PDZD2: variants seen among roughly 807,000 people sequenced by gnomAD.
PDZD2 encodes PDZ domain-containing protein 2.
PDZD2 carries 90 observed loss-of-function variants against 220.7 expected under a neutral mutation model. The observed-to-expected ratio is 0.41, with a 90% CI of 0.34 to 0.49. The LOEUF is 0.49. Ranked by LOEUF, PDZD2 falls within the 20% of genes least tolerant of loss-of-function variation. The pLI is 0.28. For missense variants in PDZD2, 3,174 were observed against 3,608.5 expected, an observed-to-expected ratio of 0.88 and a Z score of 3.08; for synonymous variants, 1,375 against 1,450.5, an observed-to-expected ratio of 0.95 and a Z score of 1.18.
chr5:31,857,919 C>T (rs1277035365), intron 2 of PDZD2, among the ~76,000 whole-genome samples: 6 of 152,126 alleles, frequency 3.9e-5, no homozygotes, highest in African/African-American at 1.2e-4. Context: ...CCCTGTCTCC[C>T]GGGTTCAAGT....
Position 31,846,617 on chromosome 5 carries a change from C to T in PDZD2, c.476+46893C>T, listed in dbSNP as rs1757600840. On this transcript the variant is annotated intron_variant, in intron 2 of 24. Transcript: ENST00000438447. ...GAACACCAATAAGTCACCACCCCGT[C>T]TGTGTGTCAGCTGAAAGTTGATTGG... Among the ~76,000 whole-genome samples, 3 of 152,234 alleles carry T rather than the reference C, an allele frequency of 2.0e-5. No individual in the cohort carries two copies. The South Asian group carries it at 6.2e-4, about 31-fold the overall frequency.
At chr5:31,689,353 ATTT>A (rs1160111594) in intron 1 of PDZD2, among the ~76,000 whole-genome samples, 2 of 35,120 alleles carry the variant, frequency 5.7e-5, no homozygotes, top group African/African-American at 2.1e-4. Context: ...ATATATATAT[ATTT>A]TTTTTTTTTT....
chr5:32,103,241 AAAAC>A (rs202176156), intron 24 of PDZD2, among the ~76,000 whole-genome samples: 2,172 of 152,228 alleles, frequency 0.014, 19 homozygotes, highest in Middle Eastern at 0.027. Context: ...GTATTTATTT[AAAAC>A]AAACAAACAA....
At chr5:31,712,650 G>A (rs144133698) in intron 1 of PDZD2, among the ~76,000 whole-genome samples, 2 of 152,196 alleles carry the variant, frequency 1.3e-5, no homozygotes, top group Non-Finnish European at 1.5e-5. Flanking sequence ...CACATGGCAC[G>A]GTGCATTTTT....
chr5:31,947,551 T>C (rs1046085603), intron 2 of PDZD2, among the ~76,000 whole-genome samples: 5 of 152,198 alleles, frequency 3.3e-5, no homozygotes, highest in African/African-American at 1.2e-4. Flanking sequence ...AAATGAAACA[T>C]AAGCCAGGTG....
chr5:31,822,255 CT>C (rs1248207982), intron 2 of PDZD2, among the ~76,000 whole-genome samples: 6 of 137,314 alleles, frequency 4.4e-5, no homozygotes, highest in Admixed American at 7.2e-5. Context: ...CATACACAAA[CT>C]TTTTTTCACG....
At chr5:31,997,931 C>T (rs1751772486) in intron 4 of PDZD2, among the ~76,000 whole-genome samples, 1 of 152,190 alleles carries the variant, frequency 6.6e-6, no homozygotes, top group Non-Finnish European at 1.5e-5. Flanking sequence ...CAACCTCCGC[C>T]TCCCAGGTTC....
At chr5:31,858,955 G>A (rs1758694648) in intron 2 of PDZD2, among the ~76,000 whole-genome samples, 1 of 152,042 alleles carries the variant, frequency 6.6e-6, no homozygotes, top group Non-Finnish European at 1.5e-5. Context: ...CTGACCTGAA[G>A]TGATCCGCCT....
chr5:31,697,040 A>G (rs2150131480), intron 1 of PDZD2, among the ~76,000 whole-genome samples: 1 of 152,328 alleles, frequency 6.6e-6, no homozygotes, highest in East Asian at 1.9e-4. Flanking sequence ...TAGGGGCATA[A>G]CTCGCCTGGG....
At chr5:31,965,370 A>G (rs1332532210) in intron 2 of PDZD2, among the ~76,000 whole-genome samples, 1 of 152,208 alleles carries the variant, frequency 6.6e-6, no homozygotes, top group Non-Finnish European at 1.5e-5. Context: ...ACCTGCAAAA[A>G]CATTGGCCCT....
intron 10 of PDZD2, among the ~76,000 whole-genome samples, chr5:32,054,730 A>C (rs542016549): frequency 6.6e-6 from 1 of 152,346 alleles, no homozygotes; most frequent in Admixed American, 6.5e-5. Context: ...TGAGGTGCCA[A>C]GTTCTACCTT....
rs753398418 is a variant in PDZD2 at position 32,089,849 on chromosome 5, G to T, written c.6401G>T (p.Arg2134Leu). 1.9e-6 allele frequency: 3 copies of T among 1,613,196 alleles called. No individual in the cohort carries two copies. The highest frequency in any genetic ancestry group is 2.5e-6 in the Non-Finnish European group (3 of 1,179,352). Residue 2134 changes from arginine to leucine, a missense_variant, in exon 20 of 25, where the codon CGC becomes CTC. Transcript: ENST00000438447. The part of the protein sequence containing the change: ...CQEKSEIRLY[R>L]QVAESSTSHP... ...GAGAAGAGTGAAATCAGGCTCTATC[G>T]CCAGGTCGCAGAATCATCCACAAGT...
intron 19 of PDZD2, among the ~76,000 whole-genome samples, chr5:32,081,564 T>G: frequency 6.6e-6 from 1 of 152,182 alleles, no homozygotes; most frequent in Non-Finnish European, 1.5e-5. Flanking sequence ...TGTCTCCTTT[T>G]GTTTAGGTAT....
chr5:31,896,064 G>C (rs1043184848), intron 2 of PDZD2, among the ~76,000 whole-genome samples: 2 of 152,130 alleles, frequency 1.3e-5, no homozygotes, highest in Non-Finnish European at 2.9e-5. Context: ...CACAGACTTG[G>C]GAACAGTAGG....
chr5:32,002,826 T>C (rs1318768597), intron 5 of PDZD2, among the ~76,000 whole-genome samples: 17 of 59,398 alleles, frequency 2.9e-4, no homozygotes, highest in East Asian at 6.0e-4. Context: ...ACACCACACA[T>C]ACATACCAAC....
At chr5:31,947,023 G>A (rs1321894537) in intron 2 of PDZD2, among the ~76,000 whole-genome samples, 1 of 152,138 alleles carries the variant, frequency 6.6e-6, no homozygotes, top group African/African-American at 2.4e-5. Flanking sequence ...CTTTTGATCA[G>A]TCAAATTTGG....
At chr5:31,679,475 G>GTGTGTTGTGT (rs10626940) in intron 1 of PDZD2, among the ~76,000 whole-genome samples, 7 of 151,560 alleles carry the variant, frequency 4.6e-5, no homozygotes, top group East Asian at 1.9e-4. Flanking sequence ...CTGTGTTGTG[G>GTGTGTTGTGT]TGTGTTGTGT....
At chr5:31,681,089 A>G (rs1490753889) in intron 1 of PDZD2, among the ~76,000 whole-genome samples, 1 of 152,026 alleles carries the variant, frequency 6.6e-6, no homozygotes, top group Non-Finnish European at 1.5e-5. Flanking sequence ...TGCTTTTTCC[A>G]TGAATGGAGA....
chr5:31,750,710 G>A (rs1215005138), intron 1 of PDZD2, among the ~76,000 whole-genome samples: 1 of 152,162 alleles, frequency 6.6e-6, no homozygotes, highest in Non-Finnish European at 1.5e-5. Flanking sequence ...CACTTTTCCT[G>A]TATTCAAGAC....
Sources: allele counts gnomAD v4.1 joint callset (sites outside exome capture counted in the v4.1 genomes callset), GRCh38; gene constraint gnomAD v4.1.1; transcripts MANE v1.5; gene names NCBI Gene and HGNC (gene_info 2026-07-23, HGNC 2026-07-21).